Variants in SPRR2G observed in about 807,000 individuals in gnomAD.
SPRR2G encodes small proline rich protein 2G, also known as small proline-rich protein 2G.
In SPRR2G, 1 loss-of-function variant was observed where a neutral mutation model predicts 0.7. The observed-to-expected ratio is 1.49, with a 90% CI of 0.53 to 7.06. The LOEUF (loss-of-function observed/expected upper bound fraction) is 7.06. Among genes scored for constraint, SPRR2G ranks in the 30% most tolerant of loss-of-function variants. The pLI is 0.14. For missense variants in SPRR2G, 96 were observed against 88.5 expected, an observed-to-expected ratio of 1.09 and a Z score of -0.34; for synonymous variants, 38 against 33.9, an observed-to-expected ratio of 1.12 and a Z score of -0.42.
chr1:153,189,225 C>T, the SPRR2G span, among the ~76,000 whole-genome samples: 1 of 152,078 alleles, frequency 6.6e-6, no homozygotes, highest in Non-Finnish European at 1.5e-5. Flanking sequence ...TTCCATTTTA[C>T]TTCTTTATGA....
chr1:153,152,732 C>T (rs1458337661), upstream of SPRR2G, among the ~76,000 whole-genome samples: 1 of 152,136 alleles, frequency 6.6e-6, no homozygotes, highest in Non-Finnish European at 1.5e-5. Flanking sequence ...ATGTTGAAAT[C>T]CTAGGAACCA....
At chr1:153,199,781 A>G in the SPRR2G span, among the ~76,000 whole-genome samples, 1 of 152,152 alleles carries the variant, frequency 6.6e-6, no homozygotes, top group Non-Finnish European at 1.5e-5. Flanking sequence ...GCGATTTCTT[A>G]GCATGATTCT....
the SPRR2G span, among the ~76,000 whole-genome samples, chr1:153,166,615 A>G: frequency 1.3e-5 from 2 of 152,156 alleles, no homozygotes; most frequent in African/African-American, 4.8e-5. Flanking sequence ...GGACCACCCA[A>G]CCAGGTAGAA....
chr1:153,162,517 A>G, the SPRR2G span, among the ~76,000 whole-genome samples: 1 of 152,184 alleles, frequency 6.6e-6, no homozygotes, highest in African/African-American at 2.4e-5. Context: ...CCACAATTAA[A>G]CAGCAAGTTA....
chr1:153,195,389 G>A, the SPRR2G span, among the ~76,000 whole-genome samples: 22,532 of 152,092 alleles, frequency 0.15, 2,447 homozygotes, highest in African/African-American at 0.29. Context: ...GCCATGTTTC[G>A]GTCTTCTTTG....
the SPRR2G span, among the ~76,000 whole-genome samples, chr1:153,169,209 G>A: frequency 6.6e-6 from 1 of 151,992 alleles, no homozygotes; most frequent in Non-Finnish European, 1.5e-5. Context: ...AACCAACCTT[G>A]TGACTACTCC....
upstream of SPRR2G, among the ~76,000 whole-genome samples, chr1:153,153,652 C>A (rs545175580): frequency 6.6e-6 from 1 of 151,656 alleles, no homozygotes; most frequent in African/African-American, 2.4e-5. Context: ...AGAAGACAGG[C>A]GAGTGGAAAG....
the SPRR2G span, among the ~76,000 whole-genome samples, chr1:153,194,340 C>T: frequency 6.6e-6 from 1 of 152,160 alleles, no homozygotes; most frequent in Admixed American, 6.5e-5. Context: ...TCATTTAGTC[C>T]TGCCTCCCAT....
the SPRR2G span, among the ~76,000 whole-genome samples, chr1:153,161,735 C>A: frequency 6.6e-6 from 1 of 152,020 alleles, no homozygotes; most frequent in Non-Finnish European, 1.5e-5. Flanking sequence ...ATGAGAATGA[C>A]CATATATAAA....
At chr1:153,166,960 G>T in the SPRR2G span, among the ~76,000 whole-genome samples, 1 of 152,032 alleles carries the variant, frequency 6.6e-6, no homozygotes, top group South Asian at 2.1e-4. Flanking sequence ...ATTGACAAAG[G>T]TCTATAAAGG....
the SPRR2G span, among the ~76,000 whole-genome samples, chr1:153,163,202 A>G: frequency 0.022 from 3,358 of 152,304 alleles, 110 homozygotes; most frequent in East Asian, 0.1. Flanking sequence ...GCACTCGAAA[A>G]GAAGCATTAT....
chr1:153,175,407 C>T, the SPRR2G span, among the ~76,000 whole-genome samples: 1 of 152,166 alleles, frequency 6.6e-6, no homozygotes, highest in African/African-American at 2.4e-5. Flanking sequence ...AAGTCCAGTC[C>T]ATGCAACGCT....
chr1:153,198,261 G>A, the SPRR2G span, among the ~76,000 whole-genome samples: 1 of 152,322 alleles, frequency 6.6e-6, no homozygotes, highest in African/African-American at 2.4e-5. Flanking sequence ...GTAGAAGACC[G>A]AGCTGAAAGT....
chr1:153,173,914 C>G, the SPRR2G span, among the ~76,000 whole-genome samples: 1 of 152,152 alleles, frequency 6.6e-6, no homozygotes, highest in Non-Finnish European at 1.5e-5. Flanking sequence ...TTCTTTCACA[C>G]CATAAAGGAT....
At chr1:153,154,583 G>C (rs770747542), upstream of SPRR2G, among the ~76,000 whole-genome samples, 1 of 151,896 alleles carries the variant, frequency 6.6e-6, no homozygotes, top group African/African-American at 2.4e-5. Flanking sequence ...AGTCTCAGTA[G>C]GTTGCATGTT....
chr1:153,197,825 C>T, the SPRR2G span, among the ~76,000 whole-genome samples: 3 of 152,152 alleles, frequency 2.0e-5, no homozygotes, highest in African/African-American at 7.2e-5. Flanking sequence ...GAGGGGGATA[C>T]TCCAGTTAGA....
chr1:153,175,421 C>G, the SPRR2G span, among the ~76,000 whole-genome samples: 3 of 152,206 alleles, frequency 2.0e-5, no homozygotes, highest in African/African-American at 7.2e-5. Flanking sequence ...CAACGCTCCT[C>G]TCCCTGGGTT....
At chr1:153,164,110 G>A in the SPRR2G span, among the ~76,000 whole-genome samples, 6 of 152,132 alleles carry the variant, frequency 3.9e-5, no homozygotes, top group African/African-American at 4.8e-5. Flanking sequence ...TCTCAACTGC[G>A]TTTTTCAAGT....
the SPRR2G span, among the ~76,000 whole-genome samples, chr1:153,158,709 T>C: frequency 1.1e-4 from 17 of 152,222 alleles, no homozygotes; most frequent in Admixed American, 1.1e-3. Context: ...GAAGAGGTTC[T>C]CCATGAGGGC....
Sources: gnomAD v4.1 joint callset for allele counts (sites outside exome capture counted in the v4.1 genomes callset) on GRCh38, gnomAD v4.1.1 for gene constraint, MANE v1.5 for transcripts, NCBI Gene and HGNC (gene_info 2026-07-23, HGNC 2026-07-21) for gene names.